NECTIN1: variants seen among roughly 807,000 people sequenced by gnomAD.
The protein encoded by NECTIN1 is nectin-1.
Under a neutral mutation model 48.0 loss-of-function variants are expected in NECTIN1, and 23 were observed. The ratio of observed to expected loss-of-function variants is 0.48; its 90% CI spans 0.34 to 0.68. The LOEUF is 0.68. Among genes scored for constraint, NECTIN1 ranks in the 30% least tolerant of loss-of-function variants. The pLI is 0.01. For missense variants in NECTIN1, 591 were observed against 709.9 expected (o/e 0.83, Z 1.90); for synonymous variants, 270 against 288.9 (o/e 0.93, Z 0.66).
Position 119,669,260 on chromosome 11 carries a change from A to G in NECTIN1, c.1004-3963T>C, listed in dbSNP as rs533906030. ...AACCTCGTCTCTACTAAAAATACAA[A>G]AATTAGCCAGGTGTAGTGATGGGTG... On this transcript the variant is annotated intron_variant, in intron 5 of 5. Transcript: ENST00000264025. 1.5e-3 allele frequency among the ~76,000 whole-genome samples: 232 copies of G among 152,284 alleles called. 1 individual carries two copies. The highest frequency in any genetic ancestry group is 6.8e-3 in the Middle Eastern group (2 of 294).
intron 5 of NECTIN1, among the ~76,000 whole-genome samples, chr11:119,666,156 G>C (rs371542713): frequency 6.6e-6 from 1 of 152,226 alleles, no homozygotes; most frequent in Non-Finnish European, 1.5e-5. Flanking sequence ...AAGCATGTGC[G>C]TGTGTGCGTG....
intron 5 of NECTIN1, among the ~76,000 whole-genome samples, chr11:119,671,986 A>T (rs1397481924): frequency 2.0e-5 from 3 of 152,234 alleles, no homozygotes; most frequent in Non-Finnish European, 4.4e-5. Context: ...GCCCAGAGAC[A>T]CATGTCCATA....
intron 5 of NECTIN1, among the ~76,000 whole-genome samples, chr11:119,645,454 G>A (rs992447660): frequency 1.3e-5 from 2 of 152,156 alleles, no homozygotes; most frequent in Non-Finnish European, 2.9e-5. Context: ...ACAGGGACAG[G>A]AAGCTTCTGA....
intron 1 of NECTIN1, among the ~76,000 whole-genome samples, chr11:119,720,518 C>A (rs1865810544): frequency 6.6e-6 from 1 of 152,284 alleles, no homozygotes; most frequent in Non-Finnish European, 1.5e-5. Context: ...TGTGGCCCCC[C>A]ATGGGAGCAC....
At chr11:119,651,728 C>T (rs1011255431) in intron 5 of NECTIN1, among the ~76,000 whole-genome samples, 1 of 152,130 alleles carries the variant, frequency 6.6e-6, no homozygotes, top group Admixed American at 6.5e-5. Flanking sequence ...ACCCCAGGCA[C>T]CTGGGCTCAG....
downstream of NECTIN1, among the ~76,000 whole-genome samples, chr11:119,660,404 G>A (rs1248344641): frequency 6.6e-6 from 1 of 152,138 alleles, no homozygotes; most frequent in African/African-American, 2.4e-5. Context: ...GAAAAATGGG[G>A]GGGTACAGGA....
chr11:119,676,575 G>T (rs567937178), intron 4 of NECTIN1, among the ~76,000 whole-genome samples: 13 of 152,340 alleles, frequency 8.5e-5, no homozygotes, highest in African/African-American at 3.1e-4. Flanking sequence ...CGAAGGCAAG[G>T]CAAGGCGAAG....
chr11:119,647,165 G>A (rs1335376939), intron 5 of NECTIN1, among the ~76,000 whole-genome samples: 1 of 35,982 alleles, frequency 2.8e-5, no homozygotes, highest in African/African-American at 1.1e-4. Flanking sequence ...CGGCGCATGT[G>A]TGTGTGTGTG....
intron 1 of NECTIN1, among the ~76,000 whole-genome samples, chr11:119,722,258 G>A (rs946478180): frequency 3.3e-5 from 5 of 152,234 alleles, no homozygotes; most frequent in Non-Finnish European, 5.9e-5. Flanking sequence ...CTGAAACTGT[G>A]GCTATAGAGT....
Position 119,661,395 on chromosome 11 carries a change from C to A in NECTIN1, c.*3352G>T, listed in dbSNP as rs933309789. Reference sequence around the variant, plus strand: ...CAGAGGGGCCTGCCTCCTGGCATCCCCGGTACTGGGCAGTGTGTGAAGCCT... The same window carrying A: ...CAGAGGGGCCTGCCTCCTGGCATCCACGGTACTGGGCAGTGTGTGAAGCCT... On this transcript the variant is annotated 3_prime_UTR_variant, in exon 6 of 6. Coordinates refer to ENST00000264025, the MANE Select transcript of NECTIN1 (RefSeq NM_002855.5). The A allele has an allele frequency of 1.0e-6, 1 of 986,186 alleles. No individual in the cohort carries two copies. The highest frequency in any genetic ancestry group is 1.7e-5 in the African/African-American group (1 of 57,240). 61.1% of individuals were successfully genotyped at this position (986,186 alleles called of 1,614,324 possible). A position where few individuals can be genotyped will look rare whatever the true frequency, so the allele number is the denominator to read the frequency against.
intron 1 of NECTIN1, among the ~76,000 whole-genome samples, chr11:119,697,055 C>T (rs1865352257): frequency 6.6e-6 from 1 of 152,086 alleles, no homozygotes; most frequent in Admixed American, 6.5e-5. Context: ...AGAGGCCGGG[C>T]CTGGGAGGGG....
At position 119,729,081 on chromosome 11, in the gene NECTIN1, TG is replaced by T. The variant is rs1355320955; in HGVS notation, c.-529del. Reference sequence around the variant, plus strand: ...GGTCGGCGGCCCGGGTGGCTCTGGCTGCGCGGCCGGGCGCGAGGAGAACGGG... The same window carrying T: ...GGTCGGCGGCCCGGGTGGCTCTGGCTCGCGGCCGGGCGCGAGGAGAACGGG... On this transcript the variant is annotated 5_prime_UTR_variant, in exon 1 of 6. Transcript: ENST00000264025. The T allele has an allele frequency of 6.6e-6, 1 of 150,806 alleles. No individual in the cohort carries two copies. Among genetic ancestry groups the T allele is most frequent in the African/African-American group, 2.4e-5 (1 of 41,084 alleles). 9.3% of individuals were successfully genotyped at this position (150,806 alleles called of 1,614,324 possible). A position where few individuals can be genotyped will look rare whatever the true frequency, so the allele number is the denominator to read the frequency against.
rs188190958 is a variant in NECTIN1 at position 119,671,668 on chromosome 11, C to A, written c.1003+3491G>T. The stretch of plus-strand genomic sequence containing the variant: ...AGGCCTGGAAGCTGCAAGAACTACA[C>A]CCCCCAGCATGCAGTGCAGCCAGCC... On this transcript the variant is annotated intron_variant, in intron 5 of 5. Coordinates refer to ENST00000264025, the MANE Select transcript of NECTIN1 (RefSeq NM_002855.5). 1.2e-4 allele frequency among the ~76,000 whole-genome samples: 18 copies of A among 152,276 alleles called. No individual in the cohort carries two copies. In the East Asian group the frequency reaches 3.5e-3, roughly 29 times the overall value.
rs2135547538 is a variant in NECTIN1, at chr11:119,672,116, C to T, written c.1003+3043G>A. On this transcript the variant is annotated intron_variant, in intron 5 of 5. Coordinates refer to ENST00000264025, the MANE Select transcript of NECTIN1 (RefSeq NM_002855.5). This position sits in a 1 kb window ranked among gnomAD's most constrained non-coding sequence, Gnocchi z 4.3. The stretch of plus-strand genomic sequence containing the variant: ...GGACTGATGGGCAGACTGTGACCCT[C>T]ACCTGCAAGGGATGAGCCCGGGCTT... Among the ~76,000 whole-genome samples the T allele has an allele frequency of 6.6e-6, 1 of 152,374 alleles. No individual in the cohort carries two copies. The highest frequency in any genetic ancestry group is 2.4e-5 in the African/African-American group (1 of 41,586).
intron 1 of NECTIN1, among the ~76,000 whole-genome samples, chr11:119,682,671 G>C (rs918152145): frequency 6.6e-6 from 1 of 152,158 alleles, no homozygotes; most frequent in South Asian, 2.1e-4. Flanking sequence ...ACTGCGTAAG[G>C]ATTAAAAGAG....
At chr11:119,667,467 T>C (rs2135544644) in intron 5 of NECTIN1, among the ~76,000 whole-genome samples, 1 of 152,264 alleles carries the variant, frequency 6.6e-6, no homozygotes. Context: ...ATGCAGATGT[T>C]AAGGGAACAG....
At chr11:119,641,226 TC>T (rs1481261723) in intron 5 of NECTIN1, 1 of 152,276 alleles carries the variant, frequency 6.6e-6, no homozygotes, top group African/African-American at 2.4e-5. Context: ...GAAGGCAGTT[TC>T]CCGTGTTGTC....
At chr11:119,660,591 C>T (rs922619689), downstream of NECTIN1, among the ~76,000 whole-genome samples, 1 of 152,132 alleles carries the variant, frequency 6.6e-6, no homozygotes, top group Non-Finnish European at 1.5e-5. Context: ...AGGAACAGGA[C>T]AGCAGGAGTG....
At chr11:119,657,739 AAATAATAAT>A (rs57059976), downstream of NECTIN1, among the ~76,000 whole-genome samples, 411 of 128,284 alleles carry the variant, frequency 3.2e-3, 1 homozygote, top group African/African-American at 9.6e-3. Flanking sequence ...TGTCTCTATA[AAATAATAAT>A]AATAATAATA....
Sources: gnomAD v4.1 joint callset for allele counts (sites outside exome capture counted in the v4.1 genomes callset) on GRCh38, gnomAD v4.1.1 for gene constraint, Gnocchi (gnomAD v3.1) non-coding constraint, MANE v1.5 for transcripts, NCBI Gene and HGNC (gene_info 2026-07-23, HGNC 2026-07-21) for gene names.